The following COLGALT2 variants were observed in gnomAD, a reference collection of about 807,000 sequenced individuals.
The protein encoded by COLGALT2 is procollagen galactosyltransferase 2.
In COLGALT2, 49 loss-of-function variants were observed where a neutral mutation model predicts 73.4. That is an observed-to-expected ratio of 0.67 (90% CI 0.53 to 0.85). COLGALT2 has a LOEUF of 0.85. Among genes scored for constraint, COLGALT2 ranks in the 40% least tolerant of loss-of-function variants. The pLI, the probability that COLGALT2 is intolerant of heterozygous loss-of-function variation, is 0.00. For synonymous variants in COLGALT2, 295 were observed against 307.6 expected, an observed-to-expected ratio of 0.96 and a Z score of 0.43; for missense variants, 722 against 790.2, an observed-to-expected ratio of 0.91 and a Z score of 1.03.
chr1:184,031,699 G>A (rs552818285), intron 1 of COLGALT2, among the ~76,000 whole-genome samples: 18 of 152,194 alleles, frequency 1.2e-4, no homozygotes, highest in Non-Finnish European at 7.4e-5. Flanking sequence ...TCTGTGCCTC[G>A]GTTTCCTTCT....
At chr1:183,992,350 C>A (rs1671651902) in intron 1 of COLGALT2, among the ~76,000 whole-genome samples, 1 of 152,164 alleles carries the variant, frequency 6.6e-6, no homozygotes, top group African/African-American at 2.4e-5. Flanking sequence ...GAAGGAAATA[C>A]TTTTAAAGAT....
At chr1:184,001,555 A>T (rs775321009) in intron 1 of COLGALT2, among the ~76,000 whole-genome samples, 1 of 152,208 alleles carries the variant, frequency 6.6e-6, no homozygotes, top group Non-Finnish European at 1.5e-5. Context: ...TGCATGCAGT[A>T]TAATTTTTTA....
chr1:183,994,972 T>C (rs1449987243), intron 1 of COLGALT2, among the ~76,000 whole-genome samples: 2 of 152,216 alleles, frequency 1.3e-5, no homozygotes, highest in Non-Finnish European at 2.9e-5. Flanking sequence ...GTGAAGTGAC[T>C]TTTGAAACCC....
chr1:184,013,531 G>C (rs1648881117), intron 1 of COLGALT2, among the ~76,000 whole-genome samples: 1 of 152,190 alleles, frequency 6.6e-6, no homozygotes, highest in Admixed American at 6.5e-5. Context: ...CCCTGTGGAA[G>C]GCAGTTCAAC....
At chr1:184,036,635 C>G (rs145099104) in intron 1 of COLGALT2, among the ~76,000 whole-genome samples, 1,917 of 152,374 alleles carry the variant, frequency 0.013, 19 homozygotes, top group Non-Finnish European at 0.02. Context: ...ACTGCGGAGC[C>G]CCTGGCCAAC....
chr1:183,955,644 T>G (rs1454347760), intron 6 of COLGALT2, among the ~76,000 whole-genome samples: 1 of 152,182 alleles, frequency 6.6e-6, no homozygotes, highest in African/African-American at 2.4e-5. Flanking sequence ...TTAAGAAACC[T>G]GAAAAGGCCT....
At chr1:184,028,398 T>C (rs1462343207) in intron 1 of COLGALT2, among the ~76,000 whole-genome samples, 1 of 152,190 alleles carries the variant, frequency 6.6e-6, no homozygotes, top group Non-Finnish European at 1.5e-5. Flanking sequence ...GAGAATGAGA[T>C]ACTTGCCTTC....
chr1:183,956,724 C>G (rs1010542965), intron 6 of COLGALT2, among the ~76,000 whole-genome samples: 1 of 152,080 alleles, frequency 6.6e-6, no homozygotes, highest in South Asian at 2.1e-4. Context: ...TCATTGCATT[C>G]ACAGGACAAG....
intron 1 of COLGALT2, among the ~76,000 whole-genome samples, chr1:184,032,669 A>G (rs1480452925): frequency 2.0e-5 from 3 of 152,252 alleles, no homozygotes; most frequent in African/African-American, 7.2e-5. Context: ...CTGCTTTTTC[A>G]GCCATAAACC....
intron 7 of COLGALT2, among the ~76,000 whole-genome samples, chr1:183,952,545 G>A (rs190815058): frequency 1.3e-4 from 20 of 152,270 alleles, no homozygotes; most frequent in Admixed American, 7.2e-4. Context: ...TTAAGGTTTG[G>A]TTCACATGGT....
chr1:183,934,765 T>C (rs965996194), downstream of COLGALT2, among the ~76,000 whole-genome samples: 18 of 152,148 alleles, frequency 1.2e-4, no homozygotes, highest in African/African-American at 4.1e-4. Flanking sequence ...GCTCCAATCA[T>C]AAGGGAAAAA....
In COLGALT2 at chr1:183,987,326, G is replaced by A. The variant is rs150087965; in HGVS notation, c.264-8806C>T. On this transcript the variant is annotated intron_variant, in intron 1 of 11. Transcript: ENST00000361927. ...TTATTGGATTTTCCAATTCTGTTAA[G>A]TTCTTTATTTTGTGGATGTACCCTG... is the stretch of plus-strand genomic sequence containing the variant. 6.0e-3 allele frequency among the ~76,000 whole-genome samples: 915 copies of A among 152,110 alleles called. 7 individuals are homozygous for A. Among genetic ancestry groups the A allele is most frequent in the African/African-American group, 0.019 (789 of 41,482 alleles).
At chr1:183,967,341 G>C (rs1263796773) in intron 5 of COLGALT2, among the ~76,000 whole-genome samples, 1 of 152,192 alleles carries the variant, frequency 6.6e-6, no homozygotes, top group Non-Finnish European at 1.5e-5. Flanking sequence ...ACCGTGCCAG[G>C]AACAGAAGGA....
intron 1 of COLGALT2, among the ~76,000 whole-genome samples, chr1:184,016,084 G>A (rs929291903): frequency 5.3e-5 from 8 of 152,172 alleles, no homozygotes; most frequent in African/African-American, 1.9e-4. Flanking sequence ...TTAATAAAAT[G>A]TGACAGAATG....
intron 1 of COLGALT2, among the ~76,000 whole-genome samples, chr1:184,014,260 A>C (rs922007606): frequency 6.6e-6 from 1 of 152,326 alleles, no homozygotes; most frequent in Non-Finnish European, 1.5e-5. Context: ...GAAATGAGTA[A>C]GCCAAAGGGA....
At chr1:183,932,609 G>A (rs896604943), downstream of COLGALT2, among the ~76,000 whole-genome samples, 2 of 152,134 alleles carry the variant, frequency 1.3e-5, no homozygotes, top group Admixed American at 6.5e-5. Flanking sequence ...GCTGGAGGGC[G>A]TCCAGGGCTC....
intron 7 of COLGALT2, among the ~76,000 whole-genome samples, chr1:183,953,727 C>T (rs1036910494): frequency 1.3e-5 from 2 of 152,096 alleles, no homozygotes; most frequent in East Asian, 3.8e-4. Context: ...GTGGAAATAC[C>T]ATAGTAGCTG....
At chr1:183,942,139 G>A (rs937319867) in intron 10 of COLGALT2, among the ~76,000 whole-genome samples, 14 of 151,946 alleles carry the variant, frequency 9.2e-5, no homozygotes, top group African/African-American at 1.5e-4. Context: ...TACTAGAGAC[G>A]TGGTTTCACC....
chr1:184,019,751 G>A (rs940466992), intron 1 of COLGALT2, among the ~76,000 whole-genome samples: 5 of 152,100 alleles, frequency 3.3e-5, no homozygotes, highest in South Asian at 2.1e-4. Flanking sequence ...GTGCTGTGAC[G>A]TCAACCAAGG....
Sources: allele counts gnomAD v4.1 joint callset (sites outside exome capture counted in the v4.1 genomes callset), GRCh38; gene constraint gnomAD v4.1.1; transcripts MANE v1.5; gene names NCBI Gene and HGNC (gene_info 2026-07-23, HGNC 2026-07-21).